KHDRBS2: variants seen among roughly 807,000 people sequenced by gnomAD.
The protein encoded by KHDRBS2 is KH domain-containing, RNA-binding, signal transduction-associated protein 2.
KHDRBS2 carries 26 observed loss-of-function variants against 44.3 expected under a neutral mutation model. The observed-to-expected ratio is 0.59, with a 90% CI of 0.43 to 0.81. KHDRBS2 has a LOEUF of 0.81. KHDRBS2 is among the 40% of genes least tolerant of loss of function. KHDRBS2 has a pLI of 0.00. For missense variants in KHDRBS2, 476 were observed against 433.1 expected (o/e 1.10, Z -0.88); for synonymous variants, 194 against 151.1 (o/e 1.28, Z -2.08).
chr6:61,763,657 CAAT>C (rs2127573508), intron 6 of KHDRBS2, among the ~76,000 whole-genome samples: 1 of 152,090 alleles, frequency 6.6e-6, no homozygotes, highest in Admixed American at 6.6e-5. Flanking sequence ...TGAGGAATAC[CAAT>C]AATAATAGAG....
intron 2 of KHDRBS2, among the ~76,000 whole-genome samples, chr6:62,061,813 A>T (rs1266458031): frequency 1.4e-5 from 2 of 147,976 alleles, no homozygotes; most frequent in East Asian, 4.1e-4. Flanking sequence ...AGGTACACCA[A>T]TCAGACGTAG....
intron 1 of KHDRBS2, among the ~76,000 whole-genome samples, chr6:62,210,323 C>T (rs377459289): frequency 3.2e-4 from 45 of 141,530 alleles, no homozygotes; most frequent in Admixed American, 1.3e-3. Context: ...ATTATTCTAG[C>T]ATTCTTTTTT....
chr6:61,696,597 T>C (rs1372923213), intron 8 of KHDRBS2, among the ~76,000 whole-genome samples: 2 of 152,092 alleles, frequency 1.3e-5, no homozygotes, highest in Non-Finnish European at 2.9e-5. Flanking sequence ...GTCTCAAACA[T>C]GATGTACTGT....
intron 2 of KHDRBS2, among the ~76,000 whole-genome samples, chr6:62,087,940 G>T (rs780945241): frequency 6.6e-6 from 1 of 151,958 alleles, no homozygotes; most frequent in Non-Finnish European, 1.5e-5. Flanking sequence ...ATTTCATTAA[G>T]TTGATCTTCA....
intron 2 of KHDRBS2, among the ~76,000 whole-genome samples, chr6:62,070,512 C>A (rs1794774771): frequency 6.6e-6 from 1 of 151,944 alleles, no homozygotes; most frequent in African/African-American, 2.4e-5. Context: ...ACAACAGGCC[C>A]CGGTGTGTGA....
intron 6 of KHDRBS2, among the ~76,000 whole-genome samples, chr6:61,887,776 T>A (rs1232396731): frequency 6.6e-6 from 1 of 152,224 alleles, no homozygotes; most frequent in East Asian, 1.9e-4. Context: ...CTCAACATGG[T>A]GCTATTATTT....
chr6:62,183,244 G>A (rs1448899054), intron 1 of KHDRBS2, among the ~76,000 whole-genome samples: 1 of 151,594 alleles, frequency 6.6e-6, no homozygotes, highest in African/African-American at 2.4e-5. Flanking sequence ...AATTACACAT[G>A]CACAAACGCA....
intron 6 of KHDRBS2, among the ~76,000 whole-genome samples, chr6:61,736,158 C>T (rs186506528): frequency 6.8e-6 from 1 of 146,460 alleles, no homozygotes; most frequent in East Asian, 2.0e-4. Flanking sequence ...TCGGTTGGCA[C>T]AGTAAATTTA....
intron 6 of KHDRBS2, among the ~76,000 whole-genome samples, chr6:61,809,974 G>T (rs1397499370): frequency 6.6e-6 from 1 of 152,048 alleles, no homozygotes; most frequent in African/African-American, 2.4e-5. Flanking sequence ...ATGTTGAAAA[G>T]AATACTACAG....
intron 8 of KHDRBS2, among the ~76,000 whole-genome samples, chr6:61,684,508 A>G (rs1261201811): frequency 6.6e-6 from 1 of 151,838 alleles, no homozygotes; most frequent in Non-Finnish European, 1.5e-5. Context: ...AAATATTTAA[A>G]GCCTTCCTAC....
chr6:61,932,699 CAGG>C (rs1247980346), intron 4 of KHDRBS2, among the ~76,000 whole-genome samples: 1 of 152,064 alleles, frequency 6.6e-6, no homozygotes, highest in Non-Finnish European at 1.5e-5. Flanking sequence ...ACTCGGGAGG[CAGG>C]AGAATGGCGT....
At chr6:61,756,266 T>TG (rs557009298) in intron 6 of KHDRBS2, among the ~76,000 whole-genome samples, 42 of 134,624 alleles carry the variant, frequency 3.1e-4, no homozygotes, top group African/African-American at 1.2e-3. Context: ...ATTAATTTAT[T>TG]TTTTTTTTGA....
the KHDRBS2 span, among the ~76,000 whole-genome samples, chr6:61,631,331 A>AAAAAAAAAAAG: frequency 7.4e-6 from 1 of 135,486 alleles, no homozygotes; most frequent in African/African-American, 2.9e-5. Flanking sequence ...AAAAAAAAAA[A>AAAAAAAAAAAG]AAAAAAGACA....
chr6:61,925,242 T>C (rs1808740098), intron 4 of KHDRBS2, among the ~76,000 whole-genome samples: 1 of 152,138 alleles, frequency 6.6e-6, no homozygotes, highest in South Asian at 2.1e-4. Flanking sequence ...CAATCCCTAC[T>C]CAGTAGTGAT....
intron 2 of KHDRBS2, among the ~76,000 whole-genome samples, chr6:62,074,890 CTA>C (rs1796024078): frequency 6.6e-6 from 1 of 151,866 alleles, no homozygotes; most frequent in Admixed American, 6.6e-5. Flanking sequence ...ATTATGCAAA[CTA>C]TGACAATTTT....
rs187672381 is a variant in KHDRBS2, at chr6:61,726,127, T to C, written c.893+6555A>G. Reference sequence around the variant, plus strand: ...GATCCAGTTGGCTCCATCCCCAGGATGCAAGGTTGGTTCAACATACAGATA... The same window carrying C: ...GATCCAGTTGGCTCCATCCCCAGGACGCAAGGTTGGTTCAACATACAGATA... On this transcript the variant is annotated intron_variant, in intron 7 of 8. Transcript: ENST00000281156. Among the ~76,000 whole-genome samples, 10 of 152,314 alleles carry C rather than the reference T, an allele frequency of 6.6e-5. No individual in the cohort carries two copies. In the East Asian group the frequency reaches 1.9e-3, roughly 29 times the overall value.
chr6:62,026,274 T>G (rs1783289716), intron 3 of KHDRBS2, among the ~76,000 whole-genome samples: 1 of 151,778 alleles, frequency 6.6e-6, no homozygotes, highest in Non-Finnish European at 1.5e-5. Context: ...GTAAGCCTAT[T>G]ACACCTGATC....
intron 2 of KHDRBS2, among the ~76,000 whole-genome samples, chr6:62,117,654 G>A (rs1806590688): frequency 6.6e-6 from 1 of 151,992 alleles, no homozygotes; most frequent in South Asian, 2.1e-4. Context: ...CTGTGCTTTT[G>A]AGGTCTAAAC....
intron 1 of KHDRBS2, among the ~76,000 whole-genome samples, chr6:62,258,294 A>G (rs1382917418): frequency 6.6e-6 from 1 of 151,992 alleles, no homozygotes; most frequent in Admixed American, 6.6e-5. Context: ...GATAGACTGA[A>G]AGCCTGGCAC....
Sources: gnomAD v4.1 joint callset for allele counts (sites outside exome capture counted in the v4.1 genomes callset) on GRCh38, gnomAD v4.1.1 for gene constraint, MANE v1.5 for transcripts, NCBI Gene and HGNC (gene_info 2026-07-23, HGNC 2026-07-21) for gene names.